The following ROBO2 variants were observed in gnomAD, a reference collection of about 807,000 sequenced individuals.
The protein encoded by ROBO2 is roundabout homolog 2.
ROBO2 carries 53 observed loss-of-function variants against 160.8 expected under a neutral mutation model. That is an observed-to-expected ratio of 0.33 (90% CI 0.26 to 0.41). ROBO2 has a LOEUF of 0.41. Among genes scored for constraint, ROBO2 ranks in the 10% least tolerant of loss-of-function variants. The pLI is 1.00. For missense variants in ROBO2, 1,577 were observed against 1,722.4 expected, an observed-to-expected ratio of 0.92 and a Z score of 1.49; for synonymous variants, 664 against 611.7, an observed-to-expected ratio of 1.09 and a Z score of -1.26.
intron 2 of ROBO2, among the ~76,000 whole-genome samples, chr3:76,796,830 A>C (rs1461446217): frequency 2.0e-5 from 3 of 152,072 alleles, no homozygotes; most frequent in Admixed American, 6.6e-5. Context: ...AGACTTCAAG[A>C]TAAAAACTGT....
intron 1 of ROBO2, among the ~76,000 whole-genome samples, chr3:77,078,928 A>G (rs1186675097): frequency 6.6e-6 from 1 of 152,042 alleles, no homozygotes; most frequent in African/African-American, 2.4e-5. Flanking sequence ...TAGGTTCTAT[A>G]TTTAATTATT....
At chr3:77,350,149 C>T (rs577695886) in intron 2 of ROBO2, among the ~76,000 whole-genome samples, 44 of 151,506 alleles carry the variant, frequency 2.9e-4, no homozygotes, top group African/African-American at 1.1e-3. Flanking sequence ...TGGCTCATGC[C>T]TGTAATCTCA....
chr3:77,532,541 T>C (rs2091819856), intron 6 of ROBO2, among the ~76,000 whole-genome samples: 1 of 151,930 alleles, frequency 6.6e-6, no homozygotes, highest in South Asian at 2.1e-4. Context: ...TTTCTTCAAA[T>C]TATATTTCTT....
In ROBO2 at chr3:76,713,307, C is replaced by A. The variant is rs2093329489; in HGVS notation, c.110-384707C>A. 2.0e-5 allele frequency among the ~76,000 whole-genome samples: 3 copies of A among 152,066 alleles called. No homozygotes were observed. In the South Asian group the frequency reaches 6.2e-4, roughly 32 times the overall value. On this transcript the variant is annotated intron_variant, in intron 2 of 26. Coordinates refer to the ROBO2 transcript ENST00000487694. ...TCAGATAAAGTACTTAATTATGATT[C>A]TTTGAATTAAAAGTCAAATAATTTC...
In ROBO2 at chr3:76,206,365, A is replaced by C. The variant is rs180878973; in HGVS notation, c.109+268763A>C. Among the ~76,000 whole-genome samples the C allele has an allele frequency of 6.0e-4, 91 of 152,326 alleles. 1 individual carries two copies. The highest frequency in any genetic ancestry group is 4.6e-3 in the Admixed American group (70 of 15,296). ...TTCTTGGTGTTTGCCATTTTGTGTCACATTATATGGCTGATTTGAAGATTT... is the reference window on the plus strand; with the variant it reads ...TTCTTGGTGTTTGCCATTTTGTGTCCCATTATATGGCTGATTTGAAGATTT... On this transcript the variant is annotated intron_variant, in intron 2 of 26. Transcript: ENST00000487694.
At chr3:77,432,394 G>A (rs1181307571) in intron 2 of ROBO2, among the ~76,000 whole-genome samples, 3 of 152,090 alleles carry the variant, frequency 2.0e-5, no homozygotes, top group African/African-American at 7.2e-5. Flanking sequence ...GGCATATAGC[G>A]GTGCATGGAA....
intron 2 of ROBO2, among the ~76,000 whole-genome samples, chr3:77,385,595 G>C (rs377039984): frequency 2.2e-4 from 34 of 152,176 alleles, no homozygotes; most frequent in African/African-American, 7.7e-4. Flanking sequence ...TGATATATCC[G>C]AGGAAGTCCT....
At chr3:76,758,360 C>T (rs1028617007) in intron 2 of ROBO2, among the ~76,000 whole-genome samples, 6 of 151,858 alleles carry the variant, frequency 4.0e-5, no homozygotes, top group Admixed American at 1.3e-4. Flanking sequence ...TTGTCTTTGG[C>T]GTCAAGGAAG....
At position 77,559,152 on chromosome 3, in the gene ROBO2, G is replaced by A. The variant is rs75171928; in HGVS notation, c.1437+1003G>A. Among the ~76,000 whole-genome samples, 43 of 152,184 alleles carry A rather than the reference G, an allele frequency of 2.8e-4. No individual in the cohort carries two copies. The East Asian group carries it at 7.6e-3, about 27-fold the overall frequency. On this transcript the variant is annotated intron_variant, in intron 9 of 25. Coordinates refer to ENST00000461745, the Ensembl canonical transcript of ROBO2. ...GCTTCCTCCAAGTCAGCAAGGAAGA[G>A]AGTCTCCTAGTAAGATGGGCACTAC... is the stretch of plus-strand genomic sequence containing the variant.
intron 2 of ROBO2, among the ~76,000 whole-genome samples, chr3:76,837,249 A>C (rs914746161): frequency 7.2e-5 from 11 of 151,898 alleles, no homozygotes; most frequent in Non-Finnish European, 1.2e-4. Context: ...GGTAGCACAA[A>C]CACTTTAGCT....
At chr3:76,665,148 C>G (rs1231953520) in intron 2 of ROBO2, among the ~76,000 whole-genome samples, 1 of 151,994 alleles carries the variant, frequency 6.6e-6, no homozygotes, top group South Asian at 2.1e-4. Flanking sequence ...CAATGTTTTC[C>G]TTTTCTATTC....
chr3:76,230,101 G>C (rs1704529399), intron 2 of ROBO2, among the ~76,000 whole-genome samples: 1 of 152,074 alleles, frequency 6.6e-6, no homozygotes, highest in Admixed American at 6.6e-5. Flanking sequence ...TCAGGTGTCA[G>C]CTCCTCCAGT....
At chr3:76,329,895 T>C (rs753135190) in intron 2 of ROBO2, among the ~76,000 whole-genome samples, 18 of 152,192 alleles carry the variant, frequency 1.2e-4, no homozygotes, top group Non-Finnish European at 1.8e-4. Context: ...GAAGCCTTGA[T>C]ACTTAGTCGT....
At chr3:76,842,938 T>C (rs778454705) in intron 2 of ROBO2, among the ~76,000 whole-genome samples, 33 of 149,322 alleles carry the variant, frequency 2.2e-4, no homozygotes, top group Non-Finnish European at 4.6e-4. Context: ...ATCACACAAG[T>C]AGTTATTTTA....
chr3:76,220,930 G>A (rs1321150982), intron 2 of ROBO2, among the ~76,000 whole-genome samples: 1 of 152,188 alleles, frequency 6.6e-6, no homozygotes, highest in East Asian at 1.9e-4. Flanking sequence ...AGAACTTGCA[G>A]GGTGGTCACA....
intron 2 of ROBO2, among the ~76,000 whole-genome samples, chr3:76,901,007 A>T (rs1219826088): frequency 1.3e-5 from 2 of 152,310 alleles, no homozygotes; most frequent in East Asian, 3.9e-4. Context: ...TATTGTACAA[A>T]GCAGAGTCCA....
intron 2 of ROBO2, among the ~76,000 whole-genome samples, chr3:77,112,069 CG>C (rs1162935023): frequency 6.6e-6 from 1 of 151,438 alleles, no homozygotes; most frequent in Non-Finnish European, 1.5e-5. Context: ...AATAGTTAGC[CG>C]GGTGTAGCGG....
rs184492683 is a variant in ROBO2, at chr3:76,009,133, T to C, written c.109+71531T>C. ...TTTTTTTGTTTTTGAGACTGAGTCT[T>C]GCTCTGTCGCCCAGGCTGGAGTGCA... is the stretch of plus-strand genomic sequence containing the variant. On this transcript the variant is annotated intron_variant, in intron 2 of 26. Coordinates refer to the ROBO2 transcript ENST00000487694. 2.6e-4 allele frequency among the ~76,000 whole-genome samples: 39 copies of C among 152,264 alleles called. No individual in the cohort carries two copies. The South Asian group carries it at 5.0e-3, about 19-fold the overall frequency.
At position 76,194,684 on chromosome 3, in the gene ROBO2, A is replaced by G. The variant is rs536446711; in HGVS notation, c.109+257082A>G. Among the ~76,000 whole-genome samples, 114 of 151,896 alleles carry G rather than the reference A, an allele frequency of 7.5e-4. 1 individual carries two copies. The highest frequency in any genetic ancestry group is 2.5e-3 in the African/African-American group (105 of 41,428). On this transcript the variant is annotated intron_variant, in intron 2 of 26. Transcript: ENST00000487694. ...TACCAGGCTGGAGTGCAGTGGCACA[A>G]TCTCGACTCACTGCAACCTCCGACT...
Sources: gnomAD v4.1 joint callset for allele counts (sites outside exome capture counted in the v4.1 genomes callset) on GRCh38, gnomAD v4.1.1 for gene constraint, MANE v1.5 for transcripts, NCBI Gene and HGNC (gene_info 2026-07-23, HGNC 2026-07-21) for gene names.